GOLGA4: variants seen among roughly 807,000 people sequenced by gnomAD.
The protein encoded by GOLGA4 is golgin subfamily A member 4.
In GOLGA4, 169 loss-of-function variants were observed where a neutral mutation model predicts 265.9. The ratio of observed to expected loss-of-function variants is 0.64; its 90% CI spans 0.56 to 0.72. The LOEUF (loss-of-function observed/expected upper bound fraction) is 0.72, where lower values mean the gene tolerates loss of function less well. GOLGA4 is among the 30% of genes least tolerant of loss of function. GOLGA4 has a pLI of 0.00. For missense variants in GOLGA4, 2,482 were observed against 2,483.4 expected (o/e 1.00, Z 0.01); for synonymous variants, 923 against 855.8 (o/e 1.08, Z -1.37).
At chr3:37,292,010 A>G (rs773958373) in intron 5 of GOLGA4, among the ~76,000 whole-genome samples, 20 of 152,204 alleles carry the variant, frequency 1.3e-4, no homozygotes, top group Non-Finnish European at 2.5e-4. Flanking sequence ...TCACTGGGCT[A>G]ACATGCTGGC....
chr3:37,325,826 G>C lies in GOLGA4; in HGVS notation c.3940G>C (p.Glu1314Gln). 6.2e-7 allele frequency: 1 copy of C among 1,613,232 alleles called. No individual in the cohort carries two copies. Among genetic ancestry groups the C allele is most frequent in the South Asian group, 1.1e-5 (1 of 91,034 alleles). Residue 1314 changes from glutamate to glutamine, a missense_variant, in exon 14 of 24, where the codon GAA (glutamate) becomes CAA (glutamine). Around this residue, in one of 3 missense-constraint regions of GOLGA4, gnomAD observed 1,536 missense variants for 1,483.7 expected, o/e 1.04. Transcript: ENST00000361924. ...AATTAAGAGCATGAAGGCTGATATT[G>C]AAAGTCTTGTAACAGAAAAAGAAGC... is the stretch of plus-strand genomic sequence containing the variant. ...NQIKSMKADI[E>Q]SLVTEKEALQ...
rs1206892424 is a variant in GOLGA4 at position 37,328,274 on chromosome 3, T to A, written c.5940-142T>A. On this transcript the variant is annotated intron_variant, in intron 14 of 23. Transcript: ENST00000361924. ...CACACACACACACACACACACTCACTCTCACACTCTCTCTCTCTCTCTCTC... is the reference window on the plus strand; with the variant it reads ...CACACACACACACACACACACTCACACTCACACTCTCTCTCTCTCTCTCTC... The A allele has an allele frequency of 4.0e-3, 2,716 of 687,166 alleles. 5 individuals are homozygous for A. The highest frequency in any genetic ancestry group is 5.3e-3 in the Non-Finnish European group (2,135 of 403,320). The allele number at this position is 687,166 out of a possible 1,614,324, so 42.6% of individuals were successfully genotyped here.
At chr3:37,276,925 A>G (rs998387835) in intron 2 of GOLGA4, among the ~76,000 whole-genome samples, 2 of 152,206 alleles carry the variant, frequency 1.3e-5, no homozygotes, top group African/African-American at 4.8e-5. Context: ...ACTGTGAAAC[A>G]TACACAGTAG....
At chr3:37,261,234 C>G (rs1247806899) in intron 2 of GOLGA4, among the ~76,000 whole-genome samples, 3 of 152,156 alleles carry the variant, frequency 2.0e-5, no homozygotes, top group African/African-American at 7.2e-5. Context: ...GGCATGCTGC[C>G]TAACATGCTA....
At chr3:37,264,560 A>G (rs1192273384) in intron 2 of GOLGA4, among the ~76,000 whole-genome samples, 2 of 152,246 alleles carry the variant, frequency 1.3e-5, no homozygotes, top group African/African-American at 4.8e-5. Context: ...ACAGTTAGTT[A>G]AGGCTCTAGT....
chr3:37,314,305 G>A (rs892887883), intron 10 of GOLGA4, among the ~76,000 whole-genome samples: 3 of 152,006 alleles, frequency 2.0e-5, no homozygotes, highest in Non-Finnish European at 2.9e-5. Context: ...TGTTGCACCC[G>A]TCCTATCTGA....
rs2096839886 is a variant in GOLGA4 at position 37,283,377 on chromosome 3, T to G, written c.477+1105T>G. 2.6e-5 allele frequency among the ~76,000 whole-genome samples: 4 copies of G among 152,204 alleles called. No individual in the cohort carries two copies. In the South Asian group the frequency reaches 8.3e-4, roughly 32 times the overall value. On this transcript the variant is annotated intron_variant, in intron 3 of 23. Coordinates refer to ENST00000361924, the MANE Select transcript of GOLGA4 (RefSeq NM_002078.5). Reference sequence around the variant, plus strand: ...TCCTTTAAATTTTTTTAACTTTTATTTTTAAATTTCTACCAAAGTTAATAA... The same window carrying G: ...TCCTTTAAATTTTTTTAACTTTTATGTTTAAATTTCTACCAAAGTTAATAA...
intron 21 of GOLGA4, among the ~76,000 whole-genome samples, chr3:37,347,529 A>T (rs779160599): frequency 4.6e-5 from 7 of 152,190 alleles, no homozygotes; most frequent in Admixed American, 2.6e-4. Context: ...GGTAACACTG[A>T]ACGCTAAACA....
At chr3:37,340,905 C>T (rs1347376546) in intron 20 of GOLGA4, among the ~76,000 whole-genome samples, 5 of 152,176 alleles carry the variant, frequency 3.3e-5, no homozygotes, top group African/African-American at 7.2e-5. Flanking sequence ...TGGTGGCTCA[C>T]GCCTGTAATC....
At chr3:37,290,354 GTATTA>G (rs1020393017) in intron 5 of GOLGA4, among the ~76,000 whole-genome samples, 4 of 152,136 alleles carry the variant, frequency 2.6e-5, no homozygotes, top group Non-Finnish European at 5.9e-5. Context: ...GGAATTTCCT[GTATTA>G]TATTACTAAA....
intron 1 of GOLGA4, among the ~76,000 whole-genome samples, chr3:37,246,013 C>G (rs954459635): frequency 1.3e-5 from 2 of 152,090 alleles, no homozygotes; most frequent in Admixed American, 1.3e-4. Flanking sequence ...CACTTTGAAT[C>G]GCTTGAACTC....
chr3:37,337,792 G>C (rs2151008587), intron 19 of GOLGA4, 58 bp downstream of exon 19: 1 of 1,074,850 alleles, frequency 9.3e-7, no homozygotes, highest in East Asian at 2.4e-5. Flanking sequence ...TATGTACTTG[G>C]ATCTCAGCTA....
At chr3:37,317,314 C>T (rs1037570301) in intron 11 of GOLGA4, among the ~76,000 whole-genome samples, 1 of 152,088 alleles carries the variant, frequency 6.6e-6, no homozygotes, top group Non-Finnish European at 1.5e-5. Flanking sequence ...GGATTACAGG[C>T]GTGTGCCATC....
In GOLGA4 at chr3:37,327,743, CT is replaced by C; in HGVS notation, c.5859del (p.Arg1954GlufsTer3). ...GKEIVRLQKD[L>X]RMLRKEHQQE... ...GGAGATTGTTAGATTGCAGAAAGACCTTCGAATGTTGAGAAAGGAGCATCAG... is the reference window on the plus strand; with the variant it reads ...GGAGATTGTTAGATTGCAGAAAGACCTCGAATGTTGAGAAAGGAGCATCAG... On this transcript the variant is annotated frameshift_variant, in exon 14 of 24. Transcript: ENST00000361924. LOFTEE classifies it high-confidence loss of function. 1.2e-6 allele frequency: 2 copies of C among 1,612,980 alleles called. No homozygotes were observed. The highest frequency in any genetic ancestry group is 1.7e-6 in the Non-Finnish European group (2 of 1,179,080).
intron 20 of GOLGA4, chr3:37,341,826 A>T (rs934476488): frequency 1.3e-5 from 2 of 152,170 alleles, no homozygotes; most frequent in African/African-American, 4.8e-5. Flanking sequence ...TACATAATTA[A>T]TTTTTTCTCA....
chr3:37,265,219 A>G (rs2096780456), intron 2 of GOLGA4, among the ~76,000 whole-genome samples: 1 of 152,008 alleles, frequency 6.6e-6, no homozygotes, highest in African/African-American at 2.4e-5. Context: ...TTCTGATTAT[A>G]ATTTATTGTA....
At chr3:37,272,237 G>T (rs1019937757) in intron 2 of GOLGA4, among the ~76,000 whole-genome samples, 2 of 152,182 alleles carry the variant, frequency 1.3e-5, no homozygotes, top group Non-Finnish European at 2.9e-5. Flanking sequence ...GTGCCAAAAA[G>T]GTTGGAGACC....
At chr3:37,365,371 T>G (rs1318904550) in intron 23 of GOLGA4, among the ~76,000 whole-genome samples, 1 of 152,026 alleles carries the variant, frequency 6.6e-6, no homozygotes, top group Non-Finnish European at 1.5e-5. Flanking sequence ...TGAGTTCAAG[T>G]GATTTCTCCT....
At chr3:37,275,831 G>A (rs1004644976) in intron 2 of GOLGA4, 17 of 1,613,606 alleles carry the variant, frequency 1.1e-5, no homozygotes, top group Admixed American at 1.0e-4. Context: ...CACAAGAATC[G>A]GAATGTCAGT....
Sources: gnomAD v4.1 joint callset for allele counts (sites outside exome capture counted in the v4.1 genomes callset) on GRCh38, gnomAD v4.1.1 for gene constraint, gnomAD v4.1.1 regional missense constraint, MANE v1.5 for transcripts, NCBI Gene and HGNC (gene_info 2026-07-23, HGNC 2026-07-21) for gene names.